The following BMP1 variants were observed in gnomAD, a reference collection of about 807,000 sequenced individuals.
BMP1 encodes the protein bone morphogenetic protein 1, also known as mammalian tolloid protein.
BMP1 carries 63 observed loss-of-function variants against 116.8 expected under a neutral mutation model. That is an observed-to-expected ratio of 0.54 (90% CI 0.44 to 0.67). BMP1 has a LOEUF of 0.67. Among genes scored for constraint, BMP1 ranks in the 30% least tolerant of loss-of-function variants. The probability of loss-of-function intolerance (pLI) is 0.00; values close to 1 mark genes in which losing one functional copy is unlikely to be tolerated. For missense variants in BMP1, 1,183 were observed against 1,358.9 expected, an observed-to-expected ratio of 0.87 and a Z score of 2.04; for synonymous variants, 536 against 533.4, an observed-to-expected ratio of 1.00 and a Z score of -0.07.
intron 3 of BMP1, 53 bp from the exon 4 acceptor site, chr8:22,176,479 AG>A: frequency 6.3e-7 from 1 of 1,583,436 alleles, no homozygotes; most frequent in East Asian, 2.2e-5. Flanking sequence ...AGTGGTGGGT[AG>A]GGGGTGGGAC....
chr8:22,189,919 T>C (rs916052023), intron 8 of BMP1, among the ~76,000 whole-genome samples: 1 of 152,110 alleles, frequency 6.6e-6, no homozygotes, highest in Non-Finnish European at 1.5e-5. Context: ...CTTTTCTTTA[T>C]TTTATTTTAT....
At chr8:22,187,672 G>A (rs919411591) in intron 8 of BMP1, among the ~76,000 whole-genome samples, 2 of 151,776 alleles carry the variant, frequency 1.3e-5, no homozygotes, top group African/African-American at 4.8e-5. Flanking sequence ...CTTTTTAAAT[G>A]AGGAAATCCT....
In BMP1 at chr8:22,172,763, T is replaced by C. The variant is rs111320143; in HGVS notation, c.149-839T>C. Among the ~76,000 whole-genome samples, 426 of 151,838 alleles carry C rather than the reference T, an allele frequency of 2.8e-3. 3 individuals carry two copies. Among genetic ancestry groups the C allele is most frequent in the African/African-American group, 9.9e-3 (410 of 41,378 alleles). ...GAGTGAGTAGCTGGAACTACAGGCA[T>C]GCATCACCATGTCTGGCTAATTTTT... is the stretch of plus-strand genomic sequence containing the variant. On this transcript the variant is annotated intron_variant, in intron 1 of 19. Transcript: ENST00000306385.
chr8:22,175,136 C>G (rs776558342), intron 2 of BMP1, among the ~76,000 whole-genome samples: 1 of 152,150 alleles, frequency 6.6e-6, no homozygotes, highest in Non-Finnish European at 1.5e-5. Flanking sequence ...TATGGCACAA[C>G]GGAAAGCTGC....
chr8:22,185,778 C>T (rs552714028), intron 8 of BMP1, among the ~76,000 whole-genome samples: 1 of 151,554 alleles, frequency 6.6e-6, no homozygotes, highest in South Asian at 2.1e-4. Context: ...CCTGCTATCG[C>T]CCCTGGCTAA....
intron 15 of BMP1, among the ~76,000 whole-genome samples, chr8:22,200,617 T>C (rs1829232292): frequency 6.6e-6 from 1 of 152,160 alleles, no homozygotes; most frequent in Admixed American, 6.5e-5. Context: ...CATGTATGTG[T>C]GTGCCTGTGG....
At chr8:22,167,776 T>A (rs900035413) in intron 1 of BMP1, among the ~76,000 whole-genome samples, 13 of 152,132 alleles carry the variant, frequency 8.5e-5, no homozygotes, top group Non-Finnish European at 1.9e-4. Context: ...GGCCTCCCTC[T>A]CGGGTGTGAC....
chr8:22,196,747 C>G lies in BMP1; in HGVS notation c.1833C>G (p.Tyr611Ter). The G allele has an allele frequency of 6.2e-7, 1 of 1,613,778 alleles. No individual in the cohort carries two copies. The highest frequency in any genetic ancestry group is 8.5e-7 in the Non-Finnish European group (1 of 1,179,932). ...CCAGCCCGGGCTGGCCCAAGGAGTA[C>G]CCCCCCAACAAGAACTGCATCTGGC... ...SITSPGWPKE[Y>*]PPNKNCIWQL... is the part of the protein sequence containing the mutation. Residue 611 changes from tyrosine to a stop codon, truncating the protein, a stop_gained, in exon 14 of 20, where the codon TAC (tyrosine) becomes TAG (stop). Coordinates refer to ENST00000306385, the MANE Select transcript of BMP1 (RefSeq NM_006129.5). LOFTEE classifies it high-confidence loss of function.
At chr8:22,175,153 G>A (rs1828395867) in intron 2 of BMP1, among the ~76,000 whole-genome samples, 1 of 152,132 alleles carries the variant, frequency 6.6e-6, no homozygotes, top group Non-Finnish European at 1.5e-5. Flanking sequence ...CTGCATGGAG[G>A]GGTCCCCTGC....
rs143943297 is a variant in BMP1, at chr8:22,209,621, G to A, written c.2752G>A (p.Gly918Ser). ...TGAGGTGGAGGAGGAGACCGACTGCGGCTATGACTACATGGAGCTCTTCGA... is the reference window on the plus strand; with the variant it reads ...TGAGGTGGAGGAGGAGACCGACTGCAGCTATGACTACATGGAGCTCTTCGA... ...TFEVEEETDC[G>S]YDYMELFDGY... Residue 918 changes from glycine to serine, a missense_variant, in exon 19 of 20, where the codon GGC becomes AGC. By Grantham distance (56) the Gly-to-Ser change is moderately conservative. Around this residue, in one of 4 missense-constraint regions of BMP1, gnomAD observed 956 missense variants for 1,135.2 expected, o/e 0.84. Coordinates refer to ENST00000306385, the MANE Select transcript of BMP1 (RefSeq NM_006129.5). 57 of 1,614,064 alleles carry A rather than the reference G, an allele frequency of 3.5e-5. No homozygotes were observed. Among genetic ancestry groups the A allele is most frequent in the South Asian group, 2.9e-4 (26 of 91,092 alleles).
intron 8 of BMP1, among the ~76,000 whole-genome samples, chr8:22,189,853 A>G (rs1048290721): frequency 1.3e-5 from 2 of 152,198 alleles, no homozygotes; most frequent in Non-Finnish European, 2.9e-5. Flanking sequence ...AGGACTTATA[A>G]TAGTAACAAT....
At position 22,206,497 on chromosome 8, in the gene BMP1, A is replaced by G. The variant is rs568462697; in HGVS notation, c.2234-357A>G. On this transcript the variant is annotated intron_variant, in intron 16 of 19. Transcript: ENST00000306385. ...AGCCTGGGCAACAGAGCGAGACTCCATCTCAAAAAAAAAAAAAAGAAAGAA... is the reference window on the plus strand; with the variant it reads ...AGCCTGGGCAACAGAGCGAGACTCCGTCTCAAAAAAAAAAAAAAGAAAGAA... 6.7e-5 allele frequency among the ~76,000 whole-genome samples: 10 copies of G among 148,536 alleles called. No homozygotes were observed. The South Asian group carries it at 2.1e-3, about 31-fold the overall frequency.
Position 22,209,537 on chromosome 8 carries a change from T to C in BMP1, c.2668T>C (p.Cys890Arg). 6.2e-7 allele frequency: 1 copy of C among 1,614,224 alleles called. No homozygotes were observed. Among genetic ancestry groups the C allele is most frequent in the Non-Finnish European group, 8.5e-7 (1 of 1,180,018 alleles). The change falls in exon 19 of 20, where the codon TGT becomes CGT. Residue 890 changes from cysteine (C) to arginine (R), a missense_variant. Physicochemically the swap from Cys to Arg is radical, Grantham distance 180 (BLOSUM62 -3). Coordinates refer to ENST00000306385, the MANE Select transcript of BMP1 (RefSeq NM_006129.5). ...CAACAACTACCCTGGGGGTGTGGAC[T>C]GTGAGTGGGTCATTGTGGCCGAGGA... ...GDNNYPGGVD[C>R]EWVIVAEEGY...
intron 16 of BMP1, among the ~76,000 whole-genome samples, chr8:22,203,002 A>G (rs914067968): frequency 4.6e-5 from 7 of 151,942 alleles, no homozygotes; most frequent in South Asian, 2.1e-4. Flanking sequence ...AGAGTGGGAA[A>G]AAACAAATAA....
At chr8:22,188,961 G>A (rs1452171123) in intron 8 of BMP1, among the ~76,000 whole-genome samples, 1 of 152,198 alleles carries the variant, frequency 6.6e-6, no homozygotes, top group African/African-American at 2.4e-5. Flanking sequence ...TGTGAGTCAG[G>A]AGCCAGAGCG....
At chr8:22,203,065 A>G (rs777929164) in intron 16 of BMP1, among the ~76,000 whole-genome samples, 22 of 152,188 alleles carry the variant, frequency 1.4e-4, no homozygotes, top group African/African-American at 2.7e-4. Flanking sequence ...TGGCATCACC[A>G]GTATCCCCTA....
intron 2 of BMP1, among the ~76,000 whole-genome samples, chr8:22,174,968 A>G (rs571153885): frequency 6.2e-4 from 94 of 152,296 alleles, no homozygotes; most frequent in African/African-American, 2.2e-3. Context: ...CTCTGGGAAC[A>G]CTGTGGTGTG....
intron 1 of BMP1, among the ~76,000 whole-genome samples, chr8:22,166,793 C>A (rs1828126274): frequency 1.3e-5 from 2 of 152,182 alleles, no homozygotes; most frequent in South Asian, 4.1e-4. Flanking sequence ...CCCCTCTACA[C>A]CTGCTGGGCT....
chr8:22,176,526 C>T lies in BMP1; in HGVS notation c.434-7C>T. On this transcript the variant is annotated splice_polypyrimidine_tract_variant and splice_region_variant and intron_variant, in intron 3 of 19. Transcript: ENST00000306385. ...CCGTGGCAACCTGGCTTCCTTCCTCCTGGCAGGTAGCCAGAGGGCAGTCTT... is the reference window on the plus strand; with the variant it reads ...CCGTGGCAACCTGGCTTCCTTCCTCTTGGCAGGTAGCCAGAGGGCAGTCTT... The T allele has an allele frequency of 1.9e-6, 3 of 1,613,758 alleles. No homozygotes were observed. The highest frequency in any genetic ancestry group is 2.5e-6 in the Non-Finnish European group (3 of 1,179,668).
Sources: allele counts gnomAD v4.1 joint callset (sites outside exome capture counted in the v4.1 genomes callset), GRCh38; gene constraint gnomAD v4.1.1; regional missense constraint gnomAD v4.1.1; transcripts MANE v1.5; gene names NCBI Gene and HGNC (gene_info 2026-07-23, HGNC 2026-07-21).